Variants in DOCK4 observed in about 807,000 individuals in gnomAD.
The protein encoded by DOCK4 is dedicator of cytokinesis protein 4.
DOCK4 carries 97 observed loss-of-function variants against 268.1 expected under a neutral mutation model. That is an observed-to-expected ratio of 0.36 (90% CI 0.31 to 0.43). The LOEUF (loss-of-function observed/expected upper bound fraction) is 0.43, where lower values mean the gene tolerates loss of function less well. Among genes scored for constraint, DOCK4 ranks in the 20% least tolerant of loss-of-function variants. The pLI, the probability that DOCK4 is intolerant of heterozygous loss-of-function variation, is 1.00. For synonymous variants in DOCK4, 954 were observed against 887.2 expected, an observed-to-expected ratio of 1.08 and a Z score of -1.34; for missense variants, 2,145 against 2,455.7, an observed-to-expected ratio of 0.87 and a Z score of 2.67.
chr7:111,863,138 A>T, intron 23 of DOCK4: 1 of 512,290 alleles, frequency 2.0e-6, no homozygotes, highest in Non-Finnish European at 3.5e-6. Flanking sequence ...GTTAAATCCC[A>T]TTAAACATAA....
chr7:111,993,335 A>G (rs1377245919), intron 5 of DOCK4, among the ~76,000 whole-genome samples: 1 of 152,202 alleles, frequency 6.6e-6, no homozygotes, highest in African/African-American at 2.4e-5. Flanking sequence ...AAATTTCTTT[A>G]AAAATAAAAG....
chr7:112,012,390 C>T (rs1257687611), intron 1 of DOCK4, among the ~76,000 whole-genome samples: 5 of 150,860 alleles, frequency 3.3e-5, no homozygotes, highest in South Asian at 2.1e-4. Flanking sequence ...AGGAAAGTAA[C>T]GGGGTTAAGA....
chr7:112,126,959 G>A (rs1332441172), intron 1 of DOCK4, among the ~76,000 whole-genome samples: 8 of 152,044 alleles, frequency 5.3e-5, no homozygotes, highest in Non-Finnish European at 7.4e-5. Context: ...TACACTGTTG[G>A]TGGGACTGTA....
At chr7:112,102,946 A>G (rs1055173010) in intron 1 of DOCK4, among the ~76,000 whole-genome samples, 2 of 152,246 alleles carry the variant, frequency 1.3e-5, no homozygotes, top group Non-Finnish European at 2.9e-5. Flanking sequence ...AATTCTGTTT[A>G]TACCAATAAA....
intron 1 of DOCK4, among the ~76,000 whole-genome samples, chr7:112,078,141 A>T (rs2135704637): frequency 6.6e-6 from 1 of 152,276 alleles, no homozygotes; most frequent in Admixed American, 6.5e-5. Context: ...TTTCTCATAA[A>T]ATTTTAGAAC....
chr7:111,871,248 T>C (rs555802173), intron 20 of DOCK4, among the ~76,000 whole-genome samples: 7 of 152,316 alleles, frequency 4.6e-5, no homozygotes, highest in African/African-American at 1.4e-4. Flanking sequence ...GCAAGGACCA[T>C]ATTGGACTGG....
rs979963541 is a variant in DOCK4, at chr7:111,877,137, G to T, written c.1637C>A (p.Pro546His). 5.7e-6 allele frequency: 9 copies of T among 1,585,566 alleles called. No individual in the cohort carries two copies. The highest frequency in any genetic ancestry group is 7.7e-6 in the Non-Finnish European group (9 of 1,166,484). Reference protein sequence around the residue: ...LQDTTRYLKLPFSKGIFLGNN... With the variant: ...LQDTTRYLKLHFSKGIFLGNN... The stretch of plus-strand genomic sequence containing the variant: ...CCCAAGGAAAATGCCCTTGGAAAAG[G>T]GAAGTTTGAGGTAGCGGGTAGTATC... Residue 546 changes from proline to histidine, a missense_variant, in exon 17 of 53, where the codon CCC (proline) becomes CAC (histidine). By Grantham distance (77) the Pro-to-His change is moderately conservative. Around this residue, in one of 2 missense-constraint regions of DOCK4, gnomAD observed 1,598 missense variants for 1,986.7 expected, o/e 0.80. Transcript: ENST00000428084.
At chr7:111,934,659 A>G (rs1191876030) in intron 12 of DOCK4, among the ~76,000 whole-genome samples, 1 of 149,346 alleles carries the variant, frequency 6.7e-6, no homozygotes, top group Non-Finnish European at 1.5e-5. Context: ...CCTCCGGAGT[A>G]GCTGGGACTA....
chr7:112,014,134 G>T (rs189394016), intron 1 of DOCK4, among the ~76,000 whole-genome samples: 26 of 152,306 alleles, frequency 1.7e-4, no homozygotes, highest in Middle Eastern at 3.4e-3. Flanking sequence ...CTTTGCACTG[G>T]TGTTGAGTTA....
At chr7:111,921,907 T>C (rs1793167752) in intron 12 of DOCK4, among the ~76,000 whole-genome samples, 2 of 152,228 alleles carry the variant, frequency 1.3e-5, no homozygotes, top group Non-Finnish European at 2.9e-5. Context: ...CTTTTAATAG[T>C]TGTGCCCACT....
intron 1 of DOCK4, among the ~76,000 whole-genome samples, chr7:112,053,639 C>T (rs975011371): frequency 6.6e-6 from 1 of 152,142 alleles, no homozygotes; most frequent in Admixed American, 6.6e-5. Flanking sequence ...AAACATGAGG[C>T]TTTATTTCTA....
intron 7 of DOCK4, among the ~76,000 whole-genome samples, chr7:111,979,269 C>A (rs1264156781): frequency 6.6e-6 from 1 of 152,158 alleles, no homozygotes; most frequent in Non-Finnish European, 1.5e-5. Flanking sequence ...AATTCATCTA[C>A]AATCACTGTA....
At chr7:111,912,393 C>T (rs1309894903) in intron 13 of DOCK4, among the ~76,000 whole-genome samples, 1 of 152,122 alleles carries the variant, frequency 6.6e-6, no homozygotes, top group Admixed American at 6.5e-5. Flanking sequence ...TCGTCATCTT[C>T]TATCTGTAGA....
chr7:112,098,174 T>A (rs1810324753), intron 1 of DOCK4, among the ~76,000 whole-genome samples: 1 of 152,190 alleles, frequency 6.6e-6, no homozygotes, highest in Non-Finnish European at 1.5e-5. Flanking sequence ...CAATTTTTTA[T>A]AAATTATTTA....
intron 23 of DOCK4, 190 bp downstream of exon 23, chr7:111,863,182 T>G (rs1289352784): frequency 2.6e-5 from 16 of 620,184 alleles, no homozygotes; most frequent in Middle Eastern, 3.1e-4. Context: ...TTTCATTCTT[T>G]CCAGAAATAA....
chr7:111,925,874 T>C (rs10245599), intron 12 of DOCK4, among the ~76,000 whole-genome samples: 73,160 of 148,512 alleles, frequency 0.49, 17,938 homozygotes, highest in African/African-American at 0.64. Context: ...GATCACGAGG[T>C]CAGGAGATCG....
chr7:111,908,151 A>G (rs1791752177), intron 13 of DOCK4, among the ~76,000 whole-genome samples: 1 of 152,156 alleles, frequency 6.6e-6, no homozygotes, highest in Non-Finnish European at 1.5e-5. Context: ...AGTACATAGT[A>G]AGGAATATTT....
chr7:111,984,952 GA>G (rs1404774761), intron 6 of DOCK4, among the ~76,000 whole-genome samples: 1 of 152,180 alleles, frequency 6.6e-6, no homozygotes, highest in Non-Finnish European at 1.5e-5. Flanking sequence ...GGAAATGGGG[GA>G]AGAGTTTTGG....
At chr7:111,781,106 T>C (rs1217304105) in intron 35 of DOCK4, among the ~76,000 whole-genome samples, 1 of 152,166 alleles carries the variant, frequency 6.6e-6, no homozygotes, top group Non-Finnish European at 1.5e-5. Flanking sequence ...ATACCAATTG[T>C]GGAAATGAAC....
Sources: allele counts gnomAD v4.1 joint callset (sites outside exome capture counted in the v4.1 genomes callset), GRCh38; gene constraint gnomAD v4.1.1; regional missense constraint gnomAD v4.1.1; transcripts MANE v1.5; gene names NCBI Gene and HGNC (gene_info 2026-07-23, HGNC 2026-07-21).